KIAA0408: variants seen among roughly 807,000 people sequenced by gnomAD.
The protein encoded by KIAA0408 is uncharacterized protein KIAA0408.
A neutral mutation model predicts 60.9 loss-of-function variants in KIAA0408; 51 were observed. The observed-to-expected ratio is 0.84, with a 90% CI of 0.67 to 1.06. The LOEUF (loss-of-function observed/expected upper bound fraction) is 1.06. KIAA0408 is among the 50% of genes least tolerant of loss of function. The pLI is 0.00. For synonymous variants in KIAA0408, 304 were observed against 282.4 expected, an observed-to-expected ratio of 1.08 and a Z score of -0.77; for missense variants, 787 against 833.9, an observed-to-expected ratio of 0.94 and a Z score of 0.69.
Position 127,450,472 on chromosome 6 carries a change from T to TA in KIAA0408, c.136-121dup, listed in dbSNP as rs1406227190. The TA allele has an allele frequency of 2.1e-6, 3 of 1,400,700 alleles. No homozygotes were observed. The African/African-American group carries it at 4.3e-5, about 20-fold the overall frequency. 86.8% of individuals were successfully genotyped at this position (1,400,700 alleles called of 1,614,324 possible). ...GCCATATTAAAATATACTTCCTGGG[T>TA]ATTAATGCTTCGGCCTCCAAATAGT... is the stretch of plus-strand genomic sequence containing the variant. On this transcript the variant is annotated intron_variant, in intron 2 of 5. Coordinates refer to ENST00000483725, the MANE Select transcript of KIAA0408 (RefSeq NM_014702.5).
rs1773103282 is a variant in KIAA0408 at position 127,441,228 on chromosome 6, T to A, written c.*2881A>T. ...CCTGGTAAAATCACCTATATAGAAG[T>A]AAATAATATTTTATGGCCACATCTG... On this transcript the variant is annotated 3_prime_UTR_variant, in exon 6 of 6. Coordinates refer to ENST00000483725, the MANE Select transcript of KIAA0408 (RefSeq NM_014702.5). The A allele has an allele frequency of 6.6e-6, 1 of 152,614 alleles. No homozygotes were observed. Among genetic ancestry groups the A allele is most frequent in the African/African-American group, 2.4e-5 (1 of 41,458 alleles). The allele number at this position is 152,614 out of a possible 1,614,324, so 9.5% of individuals were successfully genotyped here.
chr6:127,453,824 A>T, intron 2 of KIAA0408, 23 bp downstream of exon 2: 1 of 1,608,710 alleles, frequency 6.2e-7, no homozygotes, highest in Non-Finnish European at 8.5e-7. Flanking sequence ...ATTACAGTAT[A>T]TCCAAAACAA....
intron 4 of KIAA0408, 85 bp downstream of exon 4, chr6:127,449,737 A>G (rs1773266221): frequency 6.5e-7 from 1 of 1,543,278 alleles, no homozygotes; most frequent in Admixed American, 1.8e-5. Context: ...TCTTACATGT[A>G]AGGAGGAGGC....
Position 127,447,244 on chromosome 6 carries a change from T to G in KIAA0408, c.1075A>C (p.Ser359Arg), listed in dbSNP as rs1773216231. Residue 359 changes from serine to arginine, a missense_variant, in exon 5 of 6, where the codon AGC (serine) becomes CGC (arginine). Ser to Arg is a moderately radical substitution (Grantham distance 110). Transcript: ENST00000483725. Reference sequence around the variant, plus strand: ...ATCCCAATGTCACATGACCACATGCTAAGTCCAACATCTTCATTACTTGGA... The same window carrying G: ...ATCCCAATGTCACATGACCACATGCGAAGTCCAACATCTTCATTACTTGGA... ...KPPSNEDVGL[S>R]MWSCDIGIGA... The G allele has an allele frequency of 6.2e-7, 1 of 1,613,764 alleles. No homozygotes were observed. Among genetic ancestry groups the G allele is most frequent in the African/African-American group, 1.3e-5 (1 of 74,928 alleles).
chr6:127,454,249 A>G (rs1284150989), intron 1 of KIAA0408, 148 bp from the exon 2 acceptor site: 1 of 713,324 alleles, frequency 1.4e-6, no homozygotes, highest in Non-Finnish European at 1.8e-6. Flanking sequence ...TAAGAAGAAG[A>G]AACTAACACA....
In KIAA0408 at chr6:127,447,372, C is replaced by G. The variant is rs1187069640; in HGVS notation, c.947G>C (p.Arg316Thr). The stretch of plus-strand genomic sequence containing the variant: ...ATACAACATAGACATCTCTTGTTGT[C>G]TCAAAGGGAAGTGAGGGTTGTAATT... ...KRNYNPHFPLRQQEMSMLYPN... is the reference protein window; with the variant it reads ...KRNYNPHFPLTQQEMSMLYPN... The change falls in exon 5 of 6, where the codon AGA becomes ACA. Residue 316 changes from arginine (R) to threonine (T), a missense_variant. Arg to Thr is a moderately conservative substitution (Grantham distance 71). Coordinates refer to ENST00000483725, the MANE Select transcript of KIAA0408 (RefSeq NM_014702.5). 6.2e-7 allele frequency: 1 copy of G among 1,612,196 alleles called. No individual in the cohort carries two copies. Among genetic ancestry groups the G allele is most frequent in the African/African-American group, 1.3e-5 (1 of 74,766 alleles).
At chr6:127,452,665 T>C (rs1773321459) in intron 2 of KIAA0408, among the ~76,000 whole-genome samples, 1 of 152,146 alleles carries the variant, frequency 6.6e-6, no homozygotes, top group Non-Finnish European at 1.5e-5. Flanking sequence ...TGTCTGAGAC[T>C]GTTATGAACT....
Position 127,447,326 on chromosome 6 carries a change from C to A in KIAA0408, c.993G>T (p.Ser331=). Residue 331 remains serine, a synonymous_variant, in exon 5 of 6, where the codon TCG becomes TCT. Transcript: ENST00000483725. Reference sequence around the variant, plus strand: ...AAGAGGAAAAGATGATACCATCTTTCGAAGTTTTCCCTTCATTTGGATACA... The same window carrying A: ...AAGAGGAAAAGATGATACCATCTTTAGAAGTTTTCCCTTCATTTGGATACA... The part of the protein sequence containing the change: ...SMLYPNEGKT[S]KDGIIFSSLV... 1 of 1,613,508 alleles carries A rather than the reference C, an allele frequency of 6.2e-7. No homozygotes were observed. Among genetic ancestry groups the A allele is most frequent in the Admixed American group, 1.7e-5 (1 of 59,882 alleles).
rs1487034656 is a variant in KIAA0408, at chr6:127,441,126, T to C, written c.*2983A>G. On this transcript the variant is annotated 3_prime_UTR_variant, in exon 6 of 6. Coordinates refer to ENST00000483725, the MANE Select transcript of KIAA0408 (RefSeq NM_014702.5). ...ATCAAGTAGTTGTTTGTCACAAATGTGCCTAAAAATAACTTTAAAGATCTT... is the reference window on the plus strand; with the variant it reads ...ATCAAGTAGTTGTTTGTCACAAATGCGCCTAAAAATAACTTTAAAGATCTT... 3.9e-5 allele frequency: 6 copies of C among 152,324 alleles called. No homozygotes were observed. In the East Asian group the frequency reaches 1.2e-3, roughly 29 times the overall value. 9.4% of individuals were successfully genotyped at this position (152,324 alleles called of 1,614,324 possible).
At position 127,441,409 on chromosome 6, in the gene KIAA0408, AACACACACACAC is replaced by A. The variant is rs139335520; in HGVS notation, c.*2688_*2699del. ...GGAGAACTTATGTGACACTGACACAAACACACACACACACACACACACACAAACTCAAGTACT... is the reference window on the plus strand; with the variant it reads ...GGAGAACTTATGTGACACTGACACAAACACACACACACAAACTCAAGTACT... On this transcript the variant is annotated 3_prime_UTR_variant, in exon 6 of 6. Transcript: ENST00000483725. The A allele has an allele frequency of 6.8e-6, 1 of 148,138 alleles. No homozygotes were observed. Among genetic ancestry groups the A allele is most frequent in the Non-Finnish European group, 1.5e-5 (1 of 66,544 alleles). The allele number at this position is 148,138 out of a possible 1,614,324, so 9.2% of individuals were successfully genotyped here.
At chr6:127,453,233 A>G (rs921670871) in intron 2 of KIAA0408, among the ~76,000 whole-genome samples, 1 of 152,100 alleles carries the variant, frequency 6.6e-6, no homozygotes, top group African/African-American at 2.4e-5. Flanking sequence ...CAACGGACTG[A>G]GGGAGGGTTA....
intron 1 of KIAA0408, among the ~76,000 whole-genome samples, chr6:127,456,931 C>T (rs1301206919): frequency 6.6e-6 from 1 of 151,940 alleles, no homozygotes; most frequent in Non-Finnish European, 1.5e-5. Flanking sequence ...TTGTTCCCTC[C>T]CTTCCTCTTC....
Position 127,454,034 on chromosome 6 carries a change from C to G in KIAA0408, c.-53G>C. On this transcript the variant is annotated 5_prime_UTR_variant, in exon 2 of 6. Coordinates refer to ENST00000483725, the MANE Select transcript of KIAA0408 (RefSeq NM_014702.5). Reference sequence around the variant, plus strand: ...GTGTTTCTGCTCTTCTCTGCCTCCTCTTAACTGTTTCTTGGAAGCTTGAAG... The same window carrying G: ...GTGTTTCTGCTCTTCTCTGCCTCCTGTTAACTGTTTCTTGGAAGCTTGAAG... 6 of 1,543,772 alleles carry G rather than the reference C, an allele frequency of 3.9e-6. No homozygotes were observed. Among genetic ancestry groups the G allele is most frequent in the Non-Finnish European group, 3.5e-6 (4 of 1,146,354 alleles).
rs888255178 is a variant in KIAA0408 at position 127,440,860 on chromosome 6, G to C, written c.*3249C>G. On this transcript the variant is annotated 3_prime_UTR_variant, in exon 6 of 6. Transcript: ENST00000483725. The stretch of plus-strand genomic sequence containing the variant: ...GAGAAGCCATATGGAGTTTTGGGTG[G>C]CCAGGAGCAGGAAGTCAGGCAGGTT... 3 of 152,334 alleles carry C rather than the reference G, an allele frequency of 2.0e-5. No individual in the cohort carries two copies. The highest frequency in any genetic ancestry group is 7.2e-5 in the African/African-American group (3 of 41,438). The allele number at this position is 152,334 out of a possible 1,614,324, so 9.4% of individuals were successfully genotyped here.
In KIAA0408 at chr6:127,446,456, C is replaced by A; in HGVS notation, c.1863G>T (p.Trp621Cys). The change falls in exon 5 of 6, where the codon TGG (tryptophan) becomes TGT (cysteine). Residue 621 changes from tryptophan (W) to cysteine (C), a missense_variant. Around this residue, in one of 3 missense-constraint regions of KIAA0408, gnomAD observed 133 missense variants for 119.2 expected, o/e 1.12. Transcript: ENST00000483725. ...TTCCTTGCTTCACTTCCTGTCCCCC[C>A]CACACAGCTGTCTTTTGCTGAAACT... ...EQQFQQKTAVWGGQEVKQGID... is the reference protein window; with the variant it reads ...EQQFQQKTAVCGGQEVKQGID... 1.2e-6 allele frequency: 2 copies of A among 1,613,666 alleles called. No homozygotes were observed. The highest frequency in any genetic ancestry group is 1.7e-6 in the Non-Finnish European group (2 of 1,179,726).
Position 127,454,195 on chromosome 6 carries a change from T to A in KIAA0408, c.-120-94A>T, listed in dbSNP as rs996877148. ...TCGAGCCATTGACATAAACAAACTA[T>A]AGGAAAATTGGACTCAAAAGAAAAG... is the stretch of plus-strand genomic sequence containing the variant. On this transcript the variant is annotated intron_variant, in intron 1 of 5. Coordinates refer to ENST00000483725, the MANE Select transcript of KIAA0408 (RefSeq NM_014702.5). The A allele has an allele frequency of 3.4e-6, 4 of 1,189,078 alleles. No individual in the cohort carries two copies. In the African/African-American group the frequency reaches 6.3e-5, roughly 19 times the overall value. The allele number at this position is 1,189,078 out of a possible 1,614,324, so 73.7% of individuals were successfully genotyped here.
chr6:127,446,873 T>G lies in KIAA0408; in HGVS notation c.1446A>C (p.Thr482=). 3 of 1,614,006 alleles carry G rather than the reference T, an allele frequency of 1.9e-6. No individual in the cohort carries two copies. Among genetic ancestry groups the G allele is most frequent in the Non-Finnish European group, 2.5e-6 (3 of 1,179,940 alleles). ...CATCGTTACTTTGTGATATGCTACCTGTGTGAGTAGATGAGGTATCACAGG... is the reference window on the plus strand; with the variant it reads ...CATCGTTACTTTGTGATATGCTACCGGTGTGAGTAGATGAGGTATCACAGG... ...LKPCDTSSTH[T]GSISQSNDVS... Residue 482 remains threonine (T), a synonymous_variant, in exon 5 of 6, where the codon ACA becomes ACC. Transcript: ENST00000483725.
intron 1 of KIAA0408, among the ~76,000 whole-genome samples, chr6:127,456,612 G>C (rs556493000): frequency 1.3e-5 from 2 of 152,174 alleles, no homozygotes; most frequent in Non-Finnish European, 2.9e-5. Flanking sequence ...GCCAAGAAAT[G>C]TAATAGTTAT....
chr6:127,447,558 A>C lies in KIAA0408; in HGVS notation c.761T>G (p.Ile254Ser). 6.2e-7 allele frequency: 1 copy of C among 1,611,350 alleles called. No homozygotes were observed. The highest frequency in any genetic ancestry group is 8.5e-7 in the Non-Finnish European group (1 of 1,179,322). ...ATTTCTTTTTAAATCGATTGTATCA[A>C]TTCCACATTTTTTCGTAGAATTGCT... The part of the protein sequence containing the change: ...LQSNSTKKCG[I>S]DTIDLKRNET... Residue 254 changes from isoleucine to serine, a missense_variant, in exon 5 of 6, where the codon ATT becomes AGT. Ile to Ser is a moderately radical substitution (Grantham distance 142). Around this residue, in one of 3 missense-constraint regions of KIAA0408, gnomAD observed 640 missense variants for 681.3 expected, o/e 0.94. Coordinates refer to ENST00000483725, the MANE Select transcript of KIAA0408 (RefSeq NM_014702.5).
Sources: allele counts gnomAD v4.1 joint callset (sites outside exome capture counted in the v4.1 genomes callset), GRCh38; gene constraint gnomAD v4.1.1; regional missense constraint gnomAD v4.1.1; transcripts MANE v1.5; gene names NCBI Gene and HGNC (gene_info 2026-07-23, HGNC 2026-07-21).